SHANK2: variants seen among roughly 807,000 people sequenced by gnomAD.
SHANK2 encodes SH3 and multiple ankyrin repeat domains protein 2.
In SHANK2, 43 loss-of-function variants were observed where a neutral mutation model predicts 133.7. The ratio of observed to expected loss-of-function variants is 0.32; its 90% CI spans 0.25 to 0.41. The LOEUF (loss-of-function observed/expected upper bound fraction) is 0.41. Among genes scored for constraint, SHANK2 ranks in the 10% least tolerant of loss-of-function variants. SHANK2 has a pLI of 1.00. For missense variants in SHANK2, 1,994 were observed against 2,235.8 expected (o/e 0.89, Z 2.18); for synonymous variants, 1,017 against 952.8 (o/e 1.07, Z -1.24).
At position 71,188,288 on chromosome 11, in the gene SHANK2, C is replaced by G. The variant is rs563095812; in HGVS notation, c.-13+36409G>C. Among the ~76,000 whole-genome samples, 1 of 152,210 alleles carries G rather than the reference C, an allele frequency of 6.6e-6. No individual in the cohort carries two copies. Among genetic ancestry groups the G allele is most frequent in the East Asian group, 1.9e-4 (1 of 5,164 alleles). ...ACCACTGGAGCTGCCCACTCACCAT[C>G]CTACCCCCATCTGCCCAGCCCCTTC... is the stretch of plus-strand genomic sequence containing the variant. On this transcript the variant is annotated intron_variant, in intron 2 of 25. Coordinates refer to ENST00000601538, the MANE Select transcript of SHANK2 (RefSeq NM_012309.5). The surrounding 1 kb of genome is among the most constrained non-coding windows in gnomAD (Gnocchi z 4.6).
chr11:70,498,860 C>T (rs2059009654), intron 21 of SHANK2, among the ~76,000 whole-genome samples: 1 of 152,164 alleles, frequency 6.6e-6, no homozygotes. Flanking sequence ...TTCCTTCCTT[C>T]TTTACAAGGA....
intron 15 of SHANK2, among the ~76,000 whole-genome samples, chr11:70,670,619 G>A (rs1944781462): frequency 6.6e-6 from 1 of 152,218 alleles, no homozygotes; most frequent in Non-Finnish European, 1.5e-5. Context: ...GACCACACGT[G>A]CAGCTGCTCC....
intron 17 of SHANK2, among the ~76,000 whole-genome samples, chr11:70,610,052 G>C (rs1222338007): frequency 6.6e-6 from 1 of 151,582 alleles, no homozygotes; most frequent in Admixed American, 6.6e-5. Flanking sequence ...ACCAGGGAGG[G>C]GTGAGGGGAG....
intron 15 of SHANK2, chr11:70,662,206 C>A: frequency 4.0e-6 from 1 of 250,024 alleles, no homozygotes; most frequent in South Asian, 5.1e-5. Context: ...AAAATAAAAT[C>A]AAATCCTATC....
chr11:71,139,798 C>T (rs1251600349), intron 3 of SHANK2, among the ~76,000 whole-genome samples: 4 of 152,226 alleles, frequency 2.6e-5, no homozygotes, highest in Non-Finnish European at 5.9e-5. Context: ...CAAGTGAGGG[C>T]TCCGGTTGTG....
chr11:71,170,037 T>C (rs72959524), intron 2 of SHANK2, among the ~76,000 whole-genome samples: 37,838 of 152,052 alleles, frequency 0.25, 5,144 homozygotes, highest in African/African-American at 0.34. Flanking sequence ...AGATACAATA[T>C]TCATTAATTT....
intron 9 of SHANK2, among the ~76,000 whole-genome samples, chr11:71,057,914 G>GTTT (rs879235729): frequency 0.033 from 4,045 of 120,998 alleles, 410 homozygotes; most frequent in African/African-American, 0.13. Context: ...AAGCAAAACG[G>GTTT]TTTTTTTTTT....
intron 1 of SHANK2, among the ~76,000 whole-genome samples, chr11:71,251,863 G>T (rs890563346): frequency 1.1e-4 from 17 of 151,726 alleles, no homozygotes; most frequent in African/African-American, 4.1e-4. Context: ...TCTGCGTGCA[G>T]GGCCAGGGTG....
intron 17 of SHANK2, among the ~76,000 whole-genome samples, chr11:70,620,205 C>T (rs782206950): frequency 1.3e-5 from 2 of 152,120 alleles, no homozygotes; most frequent in South Asian, 2.1e-4. Context: ...CACAGACATT[C>T]GGTCCACGGC....
At chr11:70,565,934 C>T (rs969252812) in intron 17 of SHANK2, among the ~76,000 whole-genome samples, 10 of 151,778 alleles carry the variant, frequency 6.6e-5, no homozygotes, top group Non-Finnish European at 5.9e-5. Context: ...TTCACGCTGC[C>T]GATAAAGATA....
chr11:70,518,829 C>G (rs1554970518), intron 17 of SHANK2, among the ~76,000 whole-genome samples: 1 of 152,194 alleles, frequency 6.6e-6, no homozygotes, highest in African/African-American at 2.4e-5. Context: ...AATGCCATGC[C>G]CAGATCCTTC....
intron 17 of SHANK2, among the ~76,000 whole-genome samples, chr11:70,550,033 G>A (rs888529591): frequency 6.6e-6 from 1 of 152,084 alleles, no homozygotes; most frequent in African/African-American, 2.4e-5. Context: ...CAGAAAAACC[G>A]CACCGGCTTG....
At chr11:71,083,984 G>GC (rs1367460343) in intron 8 of SHANK2, among the ~76,000 whole-genome samples, 9 of 149,450 alleles carry the variant, frequency 6.0e-5, no homozygotes, top group South Asian at 4.3e-4. Flanking sequence ...TTTTTTGGGG[G>GC]GGGGAGACAG....
chr11:70,762,997 C>T (rs549901202), intron 14 of SHANK2, among the ~76,000 whole-genome samples: 70 of 152,342 alleles, frequency 4.6e-4, no homozygotes, highest in African/African-American at 1.6e-3. Context: ...ATACTGCATT[C>T]CACCTGGGCA....
intron 3 of SHANK2, among the ~76,000 whole-genome samples, chr11:71,141,120 C>G (rs1477002219): frequency 6.6e-6 from 1 of 152,220 alleles, no homozygotes; most frequent in African/African-American, 2.4e-5. Flanking sequence ...TGGCGTCCTA[C>G]GCCTTCCTCC....
intron 6 of SHANK2, among the ~76,000 whole-genome samples, chr11:71,109,626 T>C (rs1951860139): frequency 6.6e-6 from 1 of 152,212 alleles, no homozygotes; most frequent in Admixed American, 6.5e-5. Flanking sequence ...TCTGTAAAGA[T>C]CTGTGTGCCC....
At chr11:70,628,507 G>A (rs539347291) in intron 17 of SHANK2, among the ~76,000 whole-genome samples, 2 of 152,114 alleles carry the variant, frequency 1.3e-5, no homozygotes, top group Non-Finnish European at 2.9e-5. Flanking sequence ...TTTTCCCCGG[G>A]GCCTCCTTCA....
At chr11:71,107,849 G>C (rs1240329973) in intron 6 of SHANK2, among the ~76,000 whole-genome samples, 1 of 152,196 alleles carries the variant, frequency 6.6e-6, no homozygotes, top group Non-Finnish European at 1.5e-5. Context: ...GCTTGGCTCA[G>C]GACAGGGGCC....
At chr11:71,222,541 C>G (rs991503118) in intron 2 of SHANK2, among the ~76,000 whole-genome samples, 5 of 152,232 alleles carry the variant, frequency 3.3e-5, no homozygotes, top group Admixed American at 6.5e-5. Flanking sequence ...TGGCCGGACG[C>G]AGGCGCCTTC....
Sources: allele counts gnomAD v4.1 joint callset (sites outside exome capture counted in the v4.1 genomes callset), GRCh38; gene constraint gnomAD v4.1.1; non-coding constraint Gnocchi (gnomAD v3.1); transcripts MANE v1.5; gene names NCBI Gene and HGNC (gene_info 2026-07-23, HGNC 2026-07-21).